The following USP13 variants were observed in gnomAD, a reference collection of about 807,000 sequenced individuals.
The protein encoded by USP13 is ubiquitin carboxyl-terminal hydrolase 13.
USP13 carries 68 observed loss-of-function variants against 107.8 expected under a neutral mutation model. That is an observed-to-expected ratio of 0.63 (90% CI 0.52 to 0.77). The LOEUF is 0.77. Among genes scored for constraint, USP13 ranks in the 30% least tolerant of loss-of-function variants. The probability of loss-of-function intolerance (pLI) is 0.00; values close to 1 mark genes in which losing one functional copy is unlikely to be tolerated. For synonymous variants in USP13, 377 were observed against 389.5 expected, an observed-to-expected ratio of 0.97 and a Z score of 0.38; for missense variants, 945 against 1,093.3, an observed-to-expected ratio of 0.86 and a Z score of 1.91.
chr3:179,683,538 G>A (rs372637038), intron 2 of USP13, among the ~76,000 whole-genome samples: 4 of 152,160 alleles, frequency 2.6e-5, no homozygotes, highest in African/African-American at 7.2e-5. Context: ...CACATCTTAC[G>A]TGGATGGTAG....
chr3:179,680,821 A>ACTTTCTTTCTTCTATCTTTCTCTTCC (rs1560046343), intron 1 of USP13, among the ~76,000 whole-genome samples: 41 of 147,130 alleles, frequency 2.8e-4, no homozygotes, highest in East Asian at 4.1e-4. Context: ...GATTACAGGC[A>ACTTTCTTTCTTCTATCTTTCTCTTCC]TGAGTCACCG....
Position 179,653,175 on chromosome 3 carries a change from C to T in USP13, c.-51C>T. On this transcript the variant is annotated 5_prime_UTR_variant, in exon 1 of 21. Coordinates refer to ENST00000263966, the MANE Select transcript of USP13 (RefSeq NM_003940.3). The surrounding 1 kb of genome is among the most constrained non-coding windows in gnomAD (Gnocchi z 4.0). Reference sequence around the variant, plus strand: ...CTGGCGCCGCCGCCGCCGGCAGACCCCGCGCTCCGGCTCCGGCTCGGCTCG... The same window carrying T: ...CTGGCGCCGCCGCCGCCGGCAGACCTCGCGCTCCGGCTCCGGCTCGGCTCG... 1 of 1,164,686 alleles carries T rather than the reference C, an allele frequency of 8.6e-7. No homozygotes were observed. Among genetic ancestry groups the T allele is most frequent in the East Asian group, 4.0e-5 (1 of 25,040 alleles). 72.1% of individuals were successfully genotyped at this position (1,164,686 alleles called of 1,614,324 possible).
At chr3:179,776,870 T>G (rs1303557537) in intron 19 of USP13, among the ~76,000 whole-genome samples, 3 of 148,032 alleles carry the variant, frequency 2.0e-5, no homozygotes, top group Non-Finnish European at 4.5e-5. Context: ...TTTTTTTTTT[T>G]TTTTTTTTTT....
intron 19 of USP13, among the ~76,000 whole-genome samples, chr3:179,766,573 A>G (rs896421335): frequency 6.6e-6 from 1 of 152,220 alleles, no homozygotes; most frequent in African/African-American, 2.4e-5. Context: ...GTGTCTCAGG[A>G]TGACAGGAAG....
chr3:179,655,200 G>A (rs1485778965), intron 1 of USP13, among the ~76,000 whole-genome samples: 2 of 152,152 alleles, frequency 1.3e-5, no homozygotes, highest in South Asian at 2.1e-4. Context: ...CTTTCCCCAT[G>A]TTTTGATTTG....
chr3:179,732,271 GCTT>G (rs1327430455), intron 10 of USP13, among the ~76,000 whole-genome samples: 1 of 152,188 alleles, frequency 6.6e-6, no homozygotes, highest in African/African-American at 2.4e-5. Flanking sequence ...GGTTATCCAG[GCTT>G]CTTCTACTTC....
Position 179,653,299 on chromosome 3 carries a change from G to A in USP13, c.74G>A (p.Gly25Asp). Reference sequence around the variant, plus strand: ...AGGAAGATGGCTGCAGGAGACATCGGCGAGCTGCTAGTGCCCCACATGCCC... The same window carrying A: ...AGGAAGATGGCTGCAGGAGACATCGACGAGCTGCTAGTGCCCCACATGCCC... ...GGRKMAAGDI[G>D]ELLVPHMPTI... Residue 25 changes from glycine (G) to aspartate (D), a missense_variant, in exon 1 of 21, where the codon GGC (glycine) becomes GAC (aspartate). Physicochemically the swap from Gly to Asp is moderately conservative, Grantham distance 94. Transcript: ENST00000263966. This position sits in a 1 kb window ranked among gnomAD's most constrained non-coding sequence, Gnocchi z 4.0. The A allele has an allele frequency of 1.3e-6, 2 of 1,574,870 alleles. No individual in the cohort carries two copies. Among genetic ancestry groups the A allele is most frequent in the Non-Finnish European group, 8.6e-7 (1 of 1,160,934 alleles).
chr3:179,781,912 T>C, intron 20 of USP13, 89 bp downstream of exon 20: 2 of 1,183,236 alleles, frequency 1.7e-6, no homozygotes, highest in South Asian at 2.6e-5. Flanking sequence ...TTGTATGTTA[T>C]CTTATTTGGT....
intron 8 of USP13, among the ~76,000 whole-genome samples, chr3:179,724,829 A>G (rs1713455448): frequency 6.6e-6 from 1 of 152,244 alleles, no homozygotes. Flanking sequence ...GATTTCCTTC[A>G]TCAGTTAGAA....
Position 179,774,450 on chromosome 3 carries a change from C to T in USP13, c.2414-7289C>T, listed in dbSNP as rs6773816. 5.4e-3 allele frequency among the ~76,000 whole-genome samples: 824 copies of T among 152,282 alleles called. 7 individuals carry two copies. Among genetic ancestry groups the T allele is most frequent in the African/African-American group, 0.019 (775 of 41,554 alleles). ...CTTTCTTCTGCTGGGTTCCTGGTCT[C>T]GCTGGCTTCAGGAGTGAAGCTGCAG... On this transcript the variant is annotated intron_variant, in intron 19 of 20. Coordinates refer to ENST00000263966, the MANE Select transcript of USP13 (RefSeq NM_003940.3).
Position 179,788,063 on chromosome 3 carries a change from A to T in USP13, c.*3922A>T, listed in dbSNP as rs978205887. ...TTTATAGAATATTTTGAAATTCTGG[A>T]AGAGGATGGGAAACAAAATTCTAAT... On this transcript the variant is annotated 3_prime_UTR_variant, in exon 21 of 21. Transcript: ENST00000263966. 9.9e-5 allele frequency: 15 copies of T among 152,188 alleles called. No homozygotes were observed. Among genetic ancestry groups the T allele is most frequent in the African/African-American group, 3.6e-4 (15 of 41,442 alleles). The allele number at this position is 152,188 out of a possible 1,614,324, so 9.4% of individuals were successfully genotyped here.
At position 179,742,134 on chromosome 3, in the gene USP13, T is replaced by C; in HGVS notation, c.1381-63T>C. On this transcript the variant is annotated intron_variant, in intron 11 of 20. Coordinates refer to ENST00000263966, the MANE Select transcript of USP13 (RefSeq NM_003940.3). The surrounding 1 kb of genome is among the most constrained non-coding windows in gnomAD (Gnocchi z 5.0). ...TTTACACCGGGTTTAGAGTTCATTT[T>C]CTACTAAGTCTTAGTGGCTCAATAT... 1 of 1,597,502 alleles carries C rather than the reference T, an allele frequency of 6.3e-7. No homozygotes were observed. The highest frequency in any genetic ancestry group is 8.6e-7 in the Non-Finnish European group (1 of 1,167,580).
chr3:179,786,447 A>G lies in USP13; in HGVS notation c.*2306A>G, dbSNP rs1450572044. 1 of 152,214 alleles carries G rather than the reference A, an allele frequency of 6.6e-6. No individual in the cohort carries two copies. Among genetic ancestry groups the G allele is most frequent in the African/African-American group, 2.4e-5 (1 of 41,464 alleles). 9.4% of individuals were successfully genotyped at this position (152,214 alleles called of 1,614,324 possible). On this transcript the variant is annotated 3_prime_UTR_variant, in exon 21 of 21. Coordinates refer to ENST00000263966, the MANE Select transcript of USP13 (RefSeq NM_003940.3). ...AAGACTATAGGCTATAAATTGTTTGATTTCATTAACTAGCCCTTTTGATGC... is the reference window on the plus strand; with the variant it reads ...AAGACTATAGGCTATAAATTGTTTGGTTTCATTAACTAGCCCTTTTGATGC...
chr3:179,740,516 C>T lies in USP13; in HGVS notation c.1380+144C>T, dbSNP rs1714155952. Reference sequence around the variant, plus strand: ...GTTAAAGCTGGTTCAGAATCAGATCCCTGGAAACTCTCTGCTCAGCCAACT... The same window carrying T: ...GTTAAAGCTGGTTCAGAATCAGATCTCTGGAAACTCTCTGCTCAGCCAACT... On this transcript the variant is annotated intron_variant, in intron 11 of 20. Coordinates refer to ENST00000263966, the MANE Select transcript of USP13 (RefSeq NM_003940.3). 5 of 1,290,592 alleles carry T rather than the reference C, an allele frequency of 3.9e-6. No homozygotes were observed. The African/African-American group carries it at 4.4e-5, about 11-fold the overall frequency. The allele number at this position is 1,290,592 out of a possible 1,614,324, so 79.9% of individuals were successfully genotyped here.
At chr3:179,677,002 C>T (rs1711504804) in intron 1 of USP13, among the ~76,000 whole-genome samples, 1 of 151,966 alleles carries the variant, frequency 6.6e-6, no homozygotes, top group Non-Finnish European at 1.5e-5. Flanking sequence ...GGATTACAGG[C>T]ACCTGCCACC....
intron 10 of USP13, among the ~76,000 whole-genome samples, chr3:179,739,645 C>A (rs1442868832): frequency 6.6e-6 from 1 of 151,192 alleles, no homozygotes; most frequent in Admixed American, 6.6e-5. Flanking sequence ...GCAACCTTCA[C>A]CTCCCGGGTT....
chr3:179,658,496 A>G (rs73883592), intron 1 of USP13, among the ~76,000 whole-genome samples: 4,861 of 152,282 alleles, frequency 0.032, 233 homozygotes, highest in African/African-American at 0.1. Flanking sequence ...GCTTGGGTCA[A>G]CTGAAAACGG....
At chr3:179,777,703 T>C (rs1715597084) in intron 19 of USP13, among the ~76,000 whole-genome samples, 1 of 151,876 alleles carries the variant, frequency 6.6e-6, no homozygotes, top group Non-Finnish European at 1.5e-5. Flanking sequence ...CCATCCACCT[T>C]GCCTCCCAAA....
chr3:179,756,052 G>C (rs1714780569), intron 15 of USP13, among the ~76,000 whole-genome samples: 1 of 152,218 alleles, frequency 6.6e-6, no homozygotes, highest in African/African-American at 2.4e-5. Context: ...ATAAATACAA[G>C]ATGGTTTATT....
Sources: gnomAD v4.1 joint callset for allele counts (sites outside exome capture counted in the v4.1 genomes callset) on GRCh38, gnomAD v4.1.1 for gene constraint, Gnocchi (gnomAD v3.1) non-coding constraint, MANE v1.5 for transcripts, NCBI Gene and HGNC (gene_info 2026-07-23, HGNC 2026-07-21) for gene names.